The following ADGRV1 variants were observed in gnomAD, a reference collection of about 807,000 sequenced individuals.
The protein encoded by ADGRV1 is G-protein coupled receptor 98.
Under a neutral mutation model 596.2 loss-of-function variants are expected in ADGRV1, and 359 were observed. The observed-to-expected ratio is 0.60, with a 90% CI of 0.55 to 0.66. The LOEUF (loss-of-function observed/expected upper bound fraction) is 0.66. ADGRV1 is among the 30% of genes least tolerant of loss of function. The pLI is 0.00. For missense variants in ADGRV1, 7,274 were observed against 7,575.6 expected (o/e 0.96, Z 1.48); for synonymous variants, 2,681 against 2,679.2 (o/e 1.00, Z -0.02).
chr5:90,992,645 A>G (rs949859727), intron 85 of ADGRV1, among the ~76,000 whole-genome samples: 2 of 152,212 alleles, frequency 1.3e-5, no homozygotes, highest in Non-Finnish European at 2.9e-5. Flanking sequence ...TGTGTAGAAT[A>G]GGAAGCTATC....
In ADGRV1 at chr5:90,778,553, C is replaced by T. The variant is rs1172525838; in HGVS notation, c.12793C>T (p.Pro4265Ser). The change falls in exon 63 of 90, where the codon CCC becomes TCC. Residue 4265 changes from proline to serine, a missense_variant. Pro to Ser is a moderately conservative substitution (Grantham distance 74, BLOSUM62 -1). Transcript: ENST00000405460. Reference sequence around the variant, plus strand: ...CATCACGGTGGTGGCCAGCGACTCTCCCTATGGCCGATTTGCCTTTTCACA... The same window carrying T: ...CATCACGGTGGTGGCCAGCGACTCTTCCTATGGCCGATTTGCCTTTTCACA... ...ANITVVASDS[P>S]YGRFAFSHEQ... is the part of the protein sequence containing the mutation. 6.2e-7 allele frequency: 1 copy of T among 1,611,196 alleles called. No homozygotes were observed.
rs971740030 is a variant in ADGRV1 at position 90,665,357 on chromosome 5, G to A, written c.4752+7079G>A. 2.2e-4 allele frequency among the ~76,000 whole-genome samples: 33 copies of A among 151,576 alleles called. No individual in the cohort carries two copies. In the South Asian group the frequency reaches 6.0e-3, roughly 28 times the overall value. Reference sequence around the variant, plus strand: ...TTAGTCTTGGGAGAGTGTATGTGTTGAGGAATTTATCCATTTCTTCTAGAT... The same window carrying A: ...TTAGTCTTGGGAGAGTGTATGTGTTAAGGAATTTATCCATTTCTTCTAGAT... On this transcript the variant is annotated intron_variant, in intron 21 of 89. Coordinates refer to ENST00000405460, the MANE Select transcript of ADGRV1 (RefSeq NM_032119.4).
chr5:90,755,257 G>T, intron 55 of ADGRV1, 72 bp downstream of exon 55: 1 of 985,882 alleles, frequency 1.0e-6, no homozygotes, highest in Non-Finnish European at 1.4e-6. Context: ...TGATGCTCTT[G>T]TAAGTAAAAA....
intron 1 of ADGRV1, among the ~76,000 whole-genome samples, chr5:90,580,660 G>A (rs188928591): frequency 3.3e-5 from 5 of 152,274 alleles, no homozygotes; most frequent in South Asian, 2.1e-4. Flanking sequence ...CTGTTAGTCC[G>A]ATGGACTTCC....
intron 84 of ADGRV1, among the ~76,000 whole-genome samples, chr5:90,981,316 A>G (rs1410164404): frequency 6.6e-6 from 1 of 152,214 alleles, no homozygotes; most frequent in Non-Finnish European, 1.5e-5. Flanking sequence ...CGAAGCAATC[A>G]GATACGCATT....
At chr5:90,987,228 C>A (rs1780567583) in intron 85 of ADGRV1, among the ~76,000 whole-genome samples, 1 of 152,126 alleles carries the variant, frequency 6.6e-6, no homozygotes, top group African/African-American at 2.4e-5. Flanking sequence ...CGCCTGTAAT[C>A]CCAGCACTTT....
chr5:90,870,493 C>T (rs1266464209), intron 83 of ADGRV1, among the ~76,000 whole-genome samples: 1 of 151,950 alleles, frequency 6.6e-6, no homozygotes, highest in African/African-American at 2.4e-5. Flanking sequence ...TTTTTGAAGC[C>T]AAAGAAGGAA....
At chr5:90,668,499 C>T (rs754731159) in intron 21 of ADGRV1, among the ~76,000 whole-genome samples, 112 of 152,194 alleles carry the variant, frequency 7.4e-4, no homozygotes, top group Non-Finnish European at 1.2e-3. Context: ...CACTGACCTG[C>T]GCCCACTGTC....
chr5:90,897,711 G>A (rs1225316430), intron 83 of ADGRV1, among the ~76,000 whole-genome samples: 6 of 152,082 alleles, frequency 3.9e-5, no homozygotes, highest in Non-Finnish European at 7.4e-5. Flanking sequence ...CCTTTTTGAG[G>A]GCTATCGTTT....
intron 15 of ADGRV1, among the ~76,000 whole-genome samples, chr5:90,645,409 A>G (rs1767608119): frequency 6.6e-6 from 1 of 152,156 alleles, no homozygotes; most frequent in Non-Finnish European, 1.5e-5. Context: ...GGAGGGGAGC[A>G]CCAGTTCACA....
At position 91,086,829 on chromosome 5, in the gene ADGRV1, G is replaced by A. The variant is rs73771169; in HGVS notation, c.18310+14225G>A. 4.8e-3 allele frequency among the ~76,000 whole-genome samples: 729 copies of A among 152,218 alleles called. 12 individuals carry two copies. The highest frequency in any genetic ancestry group is 0.016 in the African/African-American group (675 of 41,542). On this transcript the variant is annotated intron_variant, in intron 86 of 89. Coordinates refer to ENST00000405460, the MANE Select transcript of ADGRV1 (RefSeq NM_032119.4). ...CACCAACCTATTTTCTTTCCTGTGA[G>A]TTTAAGCTATGTGAATATGCCACAC...
At chr5:91,124,163 G>A (rs1350498854) in intron 87 of ADGRV1, among the ~76,000 whole-genome samples, 1 of 152,060 alleles carries the variant, frequency 6.6e-6, no homozygotes, top group Non-Finnish European at 1.5e-5. Flanking sequence ...TTACTGAGTA[G>A]AATTTTTTTG....
rs188196755 is a variant in ADGRV1, at chr5:91,128,187, A to G, written c.18433-21843A>G. On this transcript the variant is annotated intron_variant, in intron 87 of 89. Coordinates refer to ENST00000405460, the MANE Select transcript of ADGRV1 (RefSeq NM_032119.4). The stretch of plus-strand genomic sequence containing the variant: ...AAGGGAGCTTCTCTCTTGGGCCCCA[A>G]TTACCCCTAGATTTATTGTCTCTGA... Among the ~76,000 whole-genome samples, 142 of 151,500 alleles carry G rather than the reference A, an allele frequency of 9.4e-4. 1 individual carries two copies. Among genetic ancestry groups the G allele is most frequent in the Non-Finnish European group, 3.2e-4 (22 of 67,918 alleles).
At chr5:90,752,841 A>G (rs1470852037) in intron 53 of ADGRV1, among the ~76,000 whole-genome samples, 2 of 152,180 alleles carry the variant, frequency 1.3e-5, no homozygotes, top group Non-Finnish European at 2.9e-5. Flanking sequence ...TTTTGAATTT[A>G]TATTCTCCAT....
Position 91,150,021 on chromosome 5 carries a change from T to TG in ADGRV1, c.18433-9_18433-8insG. 1 of 1,505,186 alleles carries TG rather than the reference T, an allele frequency of 6.6e-7. No homozygotes were observed. The highest frequency in any genetic ancestry group is 8.8e-7 in the Non-Finnish European group (1 of 1,133,268). The allele number at this position is 1,505,186 out of a possible 1,614,324, so 93.2% of individuals were successfully genotyped here. ...TTTCTTTTCTTTTCTTTTTTTTTTT[T>TG]TTTTGCAGGGACTTTATGTTTTCAT... On this transcript the variant is annotated splice_polypyrimidine_tract_variant and intron_variant, in intron 87 of 89. Coordinates refer to ENST00000405460, the MANE Select transcript of ADGRV1 (RefSeq NM_032119.4).
intron 83 of ADGRV1, among the ~76,000 whole-genome samples, chr5:90,876,265 G>A (rs1769208829): frequency 2.0e-5 from 3 of 152,140 alleles, no homozygotes; most frequent in African/African-American, 7.2e-5. Context: ...TAAAATCTTT[G>A]CATTTAAGGA....
intron 83 of ADGRV1, among the ~76,000 whole-genome samples, chr5:90,944,583 A>G (rs1776420092): frequency 6.6e-6 from 1 of 152,224 alleles, no homozygotes; most frequent in Admixed American, 6.5e-5. Context: ...ATCTAAATGT[A>G]TGTCAAGCAG....
chr5:90,820,658 T>C (rs1302923957), intron 75 of ADGRV1, among the ~76,000 whole-genome samples: 38 of 147,606 alleles, frequency 2.6e-4, no homozygotes, highest in African/African-American at 7.1e-4. Context: ...AGTATTTTAT[T>C]TCTCCTTCAC....
At chr5:90,939,027 A>G (rs917719125) in intron 83 of ADGRV1, among the ~76,000 whole-genome samples, 3 of 152,202 alleles carry the variant, frequency 2.0e-5, no homozygotes, top group Non-Finnish European at 4.4e-5. Flanking sequence ...TGTTATTGTT[A>G]TGGATTTAAG....
Sources: allele counts gnomAD v4.1 joint callset (sites outside exome capture counted in the v4.1 genomes callset), GRCh38; gene constraint gnomAD v4.1.1; transcripts MANE v1.5; gene names NCBI Gene and HGNC (gene_info 2026-07-23, HGNC 2026-07-21).